PTH2R: variants seen among roughly 807,000 people sequenced by gnomAD.
The protein encoded by PTH2R is PTH2 receptor.
Under a neutral mutation model 60.3 loss-of-function variants are expected in PTH2R, and 59 were observed. The ratio of observed to expected loss-of-function variants is 0.98; its 90% CI spans 0.79 to 1.22. The LOEUF (loss-of-function observed/expected upper bound fraction) is 1.22, where lower values mean the gene tolerates loss of function less well. Ranked by LOEUF, PTH2R falls within the 50% of genes most tolerant of loss-of-function variation. The pLI is 0.00. For missense variants in PTH2R, 749 were observed against 682.6 expected (o/e 1.10, Z -1.08); for synonymous variants, 256 against 243.8 (o/e 1.05, Z -0.47).
chr2:208,363,279 A>G (rs1382004728), intron 1 of PTH2R, among the ~76,000 whole-genome samples: 2 of 152,006 alleles, frequency 1.3e-5, no homozygotes, highest in African/African-American at 4.8e-5. Flanking sequence ...AAAATGTGGT[A>G]TTTGGTTTTC....
rs1701953030 is a variant in PTH2R at position 208,430,669 on chromosome 2, T to G, written c.178+2366T>G. Among the ~76,000 whole-genome samples the G allele has an allele frequency of 2.6e-5, 4 of 152,060 alleles. No homozygotes were observed. The South Asian group carries it at 8.3e-4, about 32-fold the overall frequency. ...TCACACCATTCTCCTGCCTCAGCCT[T>G]CCGAGTAGCTGGGACTACAGGTGCC... On this transcript the variant is annotated intron_variant, in intron 2 of 12. Coordinates refer to ENST00000272847, the MANE Select transcript of PTH2R (RefSeq NM_005048.4).
intron 2 of PTH2R, among the ~76,000 whole-genome samples, chr2:208,434,019 G>T (rs1393349008): frequency 6.6e-6 from 1 of 152,152 alleles, no homozygotes; most frequent in African/African-American, 2.4e-5. Flanking sequence ...TGCTAGTTAA[G>T]ACCTCTATTT....
chr2:208,421,701 A>G (rs921082011), intron 1 of PTH2R, among the ~76,000 whole-genome samples: 1 of 152,220 alleles, frequency 6.6e-6, no homozygotes, highest in Non-Finnish European at 1.5e-5. Context: ...TGAGAGTGAC[A>G]TTGGCATTTA....
At chr2:208,472,937 G>T (rs912520039) in intron 9 of PTH2R, among the ~76,000 whole-genome samples, 8 of 152,174 alleles carry the variant, frequency 5.3e-5, no homozygotes, top group South Asian at 2.1e-4. Flanking sequence ...CTGAAGCCAA[G>T]GTCAAACCCA....
upstream of PTH2R, among the ~76,000 whole-genome samples, chr2:208,406,542 G>A (rs1272028651): frequency 6.6e-6 from 1 of 152,202 alleles, no homozygotes; most frequent in Non-Finnish European, 1.5e-5. Context: ...GATCACTCCT[G>A]GAAGACCCAG....
At chr2:208,428,597 T>C (rs890949543) in intron 2 of PTH2R, among the ~76,000 whole-genome samples, 3 of 152,232 alleles carry the variant, frequency 2.0e-5, no homozygotes, top group Non-Finnish European at 4.4e-5. Context: ...GTAGAGAGCA[T>C]GCATACTGAT....
rs1201632076 is a variant in PTH2R at position 208,437,554 on chromosome 2, G to A, written c.196G>A (p.Glu66Lys). The A allele has an allele frequency of 1.2e-6, 2 of 1,607,576 alleles. No homozygotes were observed. Among genetic ancestry groups the A allele is most frequent in the Non-Finnish European group, 1.7e-6 (2 of 1,177,276 alleles). The change falls in exon 3 of 13, where the codon GAA becomes AAA. Residue 66 changes from glutamate to lysine, a missense_variant. Physicochemically the swap from Glu to Lys is moderately conservative, Grantham distance 56. Transcript: ENST00000272847. ...LQEGEGNCFP[E>K]WDGLICWPRG... Reference sequence around the variant, plus strand: ...CTCATTAGAAGGTAATTGTTTCCCTGAATGGGATGGACTCATTTGTTGGCC... The same window carrying A: ...CTCATTAGAAGGTAATTGTTTCCCTAAATGGGATGGACTCATTTGTTGGCC...
chr2:208,393,020 C>T (rs1701137002), intron 1 of PTH2R, among the ~76,000 whole-genome samples: 1 of 152,326 alleles, frequency 6.6e-6, no homozygotes, highest in Non-Finnish European at 1.5e-5. Context: ...TTAAAATGCC[C>T]TGGCTGGCCA....
chr2:208,378,793 C>T lies in PTH2R; in HGVS notation c.-259+18556C>T, dbSNP rs1700858193. 1.3e-5 allele frequency among the ~76,000 whole-genome samples: 2 copies of T among 152,188 alleles called. 1 individual carries two copies. Among genetic ancestry groups the T allele is most frequent in the South Asian group, 4.1e-4 (2 of 4,828 alleles). The stretch of plus-strand genomic sequence containing the variant: ...TCTAAGGTATTTTTGTTATAGCAGC[C>T]TGAATGGACTCAGGCGGTAGGCAAG... On this transcript the variant is annotated intron_variant, in intron 1 of 12. Transcript: ENST00000617735.
At chr2:208,389,913 C>G (rs1574830763) in intron 1 of PTH2R, among the ~76,000 whole-genome samples, 1 of 152,084 alleles carries the variant, frequency 6.6e-6, no homozygotes, top group South Asian at 2.1e-4. Flanking sequence ...AAGTAAGCTG[C>G]TACTATTAGC....
chr2:208,391,418 TTGAGC>T (rs1422941980), intron 1 of PTH2R, among the ~76,000 whole-genome samples: 29 of 152,210 alleles, frequency 1.9e-4, no homozygotes, highest in Non-Finnish European at 4.1e-4. Context: ...CCACTGGCTG[TTGAGC>T]TGGTCCTTGG....
At chr2:208,423,487 T>C (rs1701796201) in intron 1 of PTH2R, among the ~76,000 whole-genome samples, 1 of 152,190 alleles carries the variant, frequency 6.6e-6, no homozygotes, top group Non-Finnish European at 1.5e-5. Context: ...CTTTTAAAAT[T>C]GTTGAGATTT....
chr2:208,399,854 A>G (rs1332350481), intron 1 of PTH2R, among the ~76,000 whole-genome samples: 3 of 152,136 alleles, frequency 2.0e-5, no homozygotes, highest in Non-Finnish European at 4.4e-5. Context: ...CAAGAGATTT[A>G]TTTGAGGTTT....
chr2:208,411,645 A>G (rs370282691), intron 1 of PTH2R, among the ~76,000 whole-genome samples: 6 of 152,162 alleles, frequency 3.9e-5, no homozygotes, highest in East Asian at 1.9e-4. Context: ...TTGAACTTCA[A>G]TTGGTTTTGT....
In PTH2R at chr2:208,482,343, G is replaced by A. The variant is rs193062604; in HGVS notation, c.1076+1179G>A. Among the ~76,000 whole-genome samples the A allele has an allele frequency of 2.6e-5, 4 of 152,234 alleles. No homozygotes were observed. The East Asian group carries it at 5.8e-4, about 22-fold the overall frequency. On this transcript the variant is annotated intron_variant, in intron 10 of 12. Coordinates refer to ENST00000272847, the MANE Select transcript of PTH2R (RefSeq NM_005048.4). ...TGAAAGCTGGGTCCAGGGGGTCACCGCCTTCTGGTCCCACAGTGCCAACAA... is the reference window on the plus strand; with the variant it reads ...TGAAAGCTGGGTCCAGGGGGTCACCACCTTCTGGTCCCACAGTGCCAACAA...
intron 1 of PTH2R, among the ~76,000 whole-genome samples, chr2:208,368,547 A>G (rs532158260): frequency 3.9e-5 from 6 of 151,966 alleles, no homozygotes; most frequent in Non-Finnish European, 5.9e-5. Context: ...TTTTTTGACA[A>G]TTCTGGCACT....
chr2:208,359,784 C>CA (rs1700405699), exon 1 of PTH2R: 1 of 156,266 alleles, frequency 6.4e-6, no homozygotes, highest in African/African-American at 2.4e-5. Context: ...CACCTGTGGG[C>CA]AGGAAGCCGG....
intron 7 of PTH2R, among the ~76,000 whole-genome samples, chr2:208,449,036 C>G (rs1378508083): frequency 6.6e-6 from 1 of 152,080 alleles, no homozygotes; most frequent in Non-Finnish European, 1.5e-5. Context: ...AGTACCTGAT[C>G]AGAAGAATGT....
Position 208,493,387 on chromosome 2 carries a change from A to G in PTH2R, c.1381A>G (p.Ser461Gly). The change falls in exon 13 of 13, where the codon AGC (serine) becomes GGC (glycine). Residue 461 changes from serine (S) to glycine (G), a missense_variant. Ser to Gly is a moderately conservative substitution (Grantham distance 56). Coordinates refer to ENST00000272847, the MANE Select transcript of PTH2R (RefSeq NM_005048.4). ...VLTTVTHSTS[S>G]QSQVAASTRM... ...CACCACCGTGACGCACAGCACCAGC[A>G]GCCAGTCACAGGTGGCGGCCAGCAC... 1 of 1,610,012 alleles carries G rather than the reference A, an allele frequency of 6.2e-7. No individual in the cohort carries two copies. Among genetic ancestry groups the G allele is most frequent in the African/African-American group, 1.3e-5 (1 of 75,012 alleles).
Sources: gnomAD v4.1 joint callset for allele counts (sites outside exome capture counted in the v4.1 genomes callset) on GRCh38, gnomAD v4.1.1 for gene constraint, MANE v1.5 for transcripts, NCBI Gene and HGNC (gene_info 2026-07-23, HGNC 2026-07-21) for gene names.